The following YTHDF3 variants were observed in gnomAD, a reference collection of about 807,000 sequenced individuals.
YTHDF3 encodes YTH domain-containing family protein 3.
Under a neutral mutation model 52.5 loss-of-function variants are expected in YTHDF3, and 9 were observed. That is an observed-to-expected ratio of 0.17 (90% CI 0.10 to 0.30). YTHDF3 has a LOEUF of 0.30. Among genes scored for constraint, YTHDF3 ranks in the 10% least tolerant of loss-of-function variants. The pLI, the probability that YTHDF3 is intolerant of heterozygous loss-of-function variation, is 1.00. For missense variants in YTHDF3, 534 were observed against 715.0 expected (o/e 0.75, Z 2.89); for synonymous variants, 274 against 243.3 (o/e 1.13, Z -1.18).
At chr8:63,189,012 AAT>A (rs1482413705) in intron 4 of YTHDF3, 1 of 152,088 alleles carries the variant, frequency 6.6e-6, no homozygotes, top group Non-Finnish European at 1.5e-5. Context: ...TGCCTGGCAA[AAT>A]ATGTTTTTAA....
rs192715584 is a variant in YTHDF3 at position 63,188,541 on chromosome 8, G to A, written c.1734+796G>A. 4.0e-5 allele frequency among the ~76,000 whole-genome samples: 6 copies of A among 149,320 alleles called. No individual in the cohort carries two copies. The East Asian group carries it at 5.9e-4, about 15-fold the overall frequency. ...AGGGTTTCACCATGTTGCCCGGGCT[G>A]GTCTCCTGAGCTCAAAGGATCTGCC... is the stretch of plus-strand genomic sequence containing the variant. On this transcript the variant is annotated intron_variant, in intron 4 of 4. Transcript: ENST00000539294.
intron 2 of YTHDF3, 32 bp from the exon 3 acceptor site, chr8:63,175,299 C>G: frequency 6.6e-7 from 1 of 1,520,652 alleles, no homozygotes; most frequent in Non-Finnish European, 9.0e-7. Flanking sequence ...ATAAAGATAA[C>G]TACAACACTT....
intron 4 of YTHDF3, among the ~76,000 whole-genome samples, chr8:63,208,290 T>A (rs1446026304): frequency 3.3e-5 from 5 of 152,202 alleles, no homozygotes; most frequent in Admixed American, 3.3e-4. Flanking sequence ...CAAAGAGAAC[T>A]GAGGTTCTCT....
intron 1 of YTHDF3, 189 bp from the exon 2 acceptor site, chr8:63,169,198 C>A: frequency 7.4e-7 from 1 of 1,351,776 alleles, no homozygotes. Flanking sequence ...GAGACGGATT[C>A]CGAGTGGCGG....
intron 4 of YTHDF3, among the ~76,000 whole-genome samples, chr8:63,206,986 C>T (rs751301502): frequency 6.6e-6 from 1 of 152,050 alleles, no homozygotes; most frequent in Non-Finnish European, 1.5e-5. Context: ...AAAATATGTA[C>T]CTTGTAATTA....
At chr8:63,183,424 G>A (rs938751693) in intron 3 of YTHDF3, among the ~76,000 whole-genome samples, 2 of 151,914 alleles carry the variant, frequency 1.3e-5, no homozygotes, top group African/African-American at 2.4e-5. Context: ...CAAATTTTAC[G>A]CATTTGTGTT....
At position 63,204,442 on chromosome 8, in the gene YTHDF3, C is replaced by T. The variant is rs192377692; in HGVS notation, c.1735-5241C>T. Among the ~76,000 whole-genome samples, 21 of 150,804 alleles carry T rather than the reference C, an allele frequency of 1.4e-4. No homozygotes were observed. In the East Asian group the frequency reaches 2.3e-3, roughly 17 times the overall value. ...AATGGCGTGATCTCGGGTCACCGCA[C>T]CCTCCACCTCATGGGTTCAAGCGAT... On this transcript the variant is annotated intron_variant, in intron 4 of 4. Coordinates refer to ENST00000539294, the MANE Select transcript of YTHDF3 (RefSeq NM_152758.6).
intron 4 of YTHDF3, among the ~76,000 whole-genome samples, chr8:63,199,390 G>A (rs1283322226): frequency 6.6e-6 from 1 of 152,146 alleles, no homozygotes; most frequent in Non-Finnish European, 1.5e-5. Context: ...TACATCCCTT[G>A]AATACTGCAT....
chr8:63,194,651 T>G (rs1245026233), intron 4 of YTHDF3, among the ~76,000 whole-genome samples: 1 of 152,166 alleles, frequency 6.6e-6, no homozygotes, highest in Admixed American at 6.5e-5. Flanking sequence ...AAAACTATAG[T>G]GTTTTTTTCC....
chr8:63,207,630 A>G (rs868012087), intron 4 of YTHDF3, among the ~76,000 whole-genome samples: 2 of 152,148 alleles, frequency 1.3e-5, no homozygotes, highest in South Asian at 4.1e-4. Flanking sequence ...TACATAGTTG[A>G]TTACAATTCA....
At chr8:63,190,982 T>G (rs1486203682) in intron 4 of YTHDF3, among the ~76,000 whole-genome samples, 1 of 152,212 alleles carries the variant, frequency 6.6e-6, no homozygotes, top group Non-Finnish European at 1.5e-5. Flanking sequence ...ATAAAATGTC[T>G]TTGGTCAGAA....
At chr8:63,180,016 CG>C (rs937751454) in intron 3 of YTHDF3, among the ~76,000 whole-genome samples, 2 of 150,038 alleles carry the variant, frequency 1.3e-5, no homozygotes, top group African/African-American at 2.5e-5. Context: ...GCTGGCCGGG[CG>C]GGGGGCTGAT....
chr8:63,197,485 G>A (rs953013369), intron 4 of YTHDF3, among the ~76,000 whole-genome samples: 1 of 152,098 alleles, frequency 6.6e-6, no homozygotes, highest in Non-Finnish European at 1.5e-5. Context: ...ATCACTTATT[G>A]TCTAATCTTT....
intron 2 of YTHDF3, among the ~76,000 whole-genome samples, chr8:63,173,206 A>ATATATATATATATATATC (rs1264719044): frequency 1.4e-5 from 2 of 145,390 alleles, no homozygotes; most frequent in African/African-American, 5.5e-5. Context: ...TTATATTTAT[A>ATATATATATATATATATC]TATATATACA....
intron 4 of YTHDF3, among the ~76,000 whole-genome samples, chr8:63,199,063 A>G (rs983629388): frequency 1.3e-5 from 2 of 152,210 alleles, no homozygotes; most frequent in African/African-American, 4.8e-5. Context: ...GTATTACTCT[A>G]TTCTGAACTT....
intron 4 of YTHDF3, among the ~76,000 whole-genome samples, chr8:63,195,807 C>T (rs895356594): frequency 1.3e-5 from 2 of 148,484 alleles, no homozygotes; most frequent in East Asian, 2.0e-4. Context: ...TGTGTGTGTG[C>T]GTGCATGTGT....
Position 63,209,899 on chromosome 8 carries a change from T to G in YTHDF3, c.*193T>G. On this transcript the variant is annotated 3_prime_UTR_variant, in exon 5 of 5. Transcript: ENST00000539294. ...CCCTTATACTCTTCACCAAACACAC[T>G]TGAGAACTGTAACTTCGTCAAGCAC... The G allele has an allele frequency of 5.9e-6, 3 of 510,624 alleles. No individual in the cohort carries two copies. The highest frequency in any genetic ancestry group is 3.8e-5 in the Admixed American group (1 of 26,318). The allele number at this position is 510,624 out of a possible 1,614,324, so 31.6% of individuals were successfully genotyped here.
chr8:63,169,047 G>A, intron 1 of YTHDF3, 146 bp downstream of exon 1: 1 of 1,426,794 alleles, frequency 7.0e-7, no homozygotes, highest in Non-Finnish European at 9.1e-7. Context: ...AGCTACCCGG[G>A]CCGGGGCGTG....
At position 63,187,299 on chromosome 8, in the gene YTHDF3, C is replaced by T; in HGVS notation, c.1288C>T (p.His430Tyr). 6.2e-7 allele frequency: 1 copy of T among 1,614,052 alleles called. No homozygotes were observed. Among genetic ancestry groups the T allele is most frequent in the South Asian group, 1.1e-5 (1 of 91,090 alleles). ...IIKSYSEDDI[H>Y]RSIKYSIWCS... ...TAAAAGCTACTCTGAGGATGACATACATCGTTCCATTAAATACTCTATCTG... is the reference window on the plus strand; with the variant it reads ...TAAAAGCTACTCTGAGGATGACATATATCGTTCCATTAAATACTCTATCTG... The change falls in exon 4 of 5, where the codon CAT becomes TAT. Residue 430 changes from histidine to tyrosine, a missense_variant. Physicochemically the swap from His to Tyr is moderately conservative, Grantham distance 83 (BLOSUM62 2). This residue lies in a region of YTHDF3 where 135 missense variants were observed against 214.2 expected (regional missense o/e 0.63). Coordinates refer to ENST00000539294, the MANE Select transcript of YTHDF3 (RefSeq NM_152758.6).
Sources: allele counts gnomAD v4.1 joint callset (sites outside exome capture counted in the v4.1 genomes callset), GRCh38; gene constraint gnomAD v4.1.1; regional missense constraint gnomAD v4.1.1; transcripts MANE v1.5; gene names NCBI Gene and HGNC (gene_info 2026-07-23, HGNC 2026-07-21).